Variants in PKD2L2 observed in about 807,000 individuals in gnomAD.
PKD2L2 encodes the protein polycystin-2-like protein 2.
PKD2L2 carries 67 observed loss-of-function variants against 83.9 expected under a neutral mutation model. The observed-to-expected ratio is 0.80, with a 90% CI of 0.66 to 0.98. PKD2L2 has a LOEUF of 0.98. Among genes scored for constraint, PKD2L2 ranks in the 50% least tolerant of loss-of-function variants. The pLI, the probability that PKD2L2 is intolerant of heterozygous loss-of-function variation, is 0.00. For synonymous variants in PKD2L2, 223 were observed against 237.8 expected, an observed-to-expected ratio of 0.94 and a Z score of 0.57; for missense variants, 632 against 717.2, an observed-to-expected ratio of 0.88 and a Z score of 1.36.
chr5:137,936,519 GGTCTCGGCTCA>G, intron 14 of PKD2L2, 92 bp downstream of exon 14: 1 of 1,023,534 alleles, frequency 9.8e-7, no homozygotes, highest in Admixed American at 2.5e-5. Flanking sequence ...GCAGTGGCGT[GGTCTCGGCTCA>G]CTGCAAACTC....
chr5:137,899,929 A>G (rs1756810309), intron 5 of PKD2L2, among the ~76,000 whole-genome samples, 192 bp downstream of exon 5: 1 of 152,202 alleles, frequency 6.6e-6, no homozygotes. Context: ...CAGACAAACC[A>G]TGTAACCTAG....
intron 7 of PKD2L2, among the ~76,000 whole-genome samples, 163 bp from the exon 8 acceptor site, chr5:137,908,602 A>C (rs942755603): frequency 3.3e-5 from 5 of 152,040 alleles, no homozygotes; most frequent in Non-Finnish European, 7.4e-5. Context: ...AAAAAAAAAA[A>C]CAGAAGTTTG....
At chr5:137,922,988 T>C (rs1195278220) in intron 9 of PKD2L2, among the ~76,000 whole-genome samples, 4 of 151,882 alleles carry the variant, frequency 2.6e-5, no homozygotes, top group African/African-American at 4.8e-5. Flanking sequence ...AAAATTTGAT[T>C]TTTTTTGTTG....
chr5:137,919,338 G>C (rs1194001751), intron 8 of PKD2L2, among the ~76,000 whole-genome samples: 1 of 152,134 alleles, frequency 6.6e-6, no homozygotes, highest in African/African-American at 2.4e-5. Context: ...ACTGTATTTG[G>C]AGCCTCCAGT....
intron 8 of PKD2L2, among the ~76,000 whole-genome samples, chr5:137,914,941 T>C (rs1411054166): frequency 2.0e-5 from 3 of 152,244 alleles, no homozygotes; most frequent in Admixed American, 6.5e-5. Context: ...TTTGTGTATG[T>C]TGAACCATCC....
At position 137,890,333 on chromosome 5, in the gene PKD2L2, C is replaced by T. The variant is rs140645968; in HGVS notation, c.32-148C>T. On this transcript the variant is annotated intron_variant, in intron 1 of 14. Transcript: ENST00000508883. ...TATAGTAAAAAAATTATCCCTGCCT[C>T]GTAAAACTAAGAATTGAAAAATAGC... is the stretch of plus-strand genomic sequence containing the variant. The T allele has an allele frequency of 5.3e-3, 3,006 of 571,412 alleles. 15 individuals are homozygous for T. The highest frequency in any genetic ancestry group is 8.8e-3 in the Middle Eastern group (19 of 2,168). 35.4% of individuals were successfully genotyped at this position (571,412 alleles called of 1,614,324 possible).
intron 11 of PKD2L2, 88 bp downstream of exon 11, chr5:137,925,192 T>G: frequency 1.2e-6 from 1 of 824,856 alleles, no homozygotes; most frequent in Non-Finnish European, 2.0e-6. Context: ...TGTTTTTTGT[T>G]TGTTTGTTTG....
At chr5:137,907,535 T>A (rs2150021013) in intron 6 of PKD2L2, among the ~76,000 whole-genome samples, 1 of 152,306 alleles carries the variant, frequency 6.6e-6, no homozygotes, top group South Asian at 2.1e-4. Flanking sequence ...GCCAAGCAAT[T>A]AATATTTTTC....
At chr5:137,933,631 G>A (rs1187874144) in intron 12 of PKD2L2, among the ~76,000 whole-genome samples, 1 of 152,136 alleles carries the variant, frequency 6.6e-6, no homozygotes, top group Non-Finnish European at 1.5e-5. Flanking sequence ...CAAGAGCTCA[G>A]CCAGCTGCAT....
intron 1 of PKD2L2, chr5:137,890,059 C>T (rs1580875075): frequency 6.3e-6 from 1 of 159,858 alleles, no homozygotes; most frequent in Non-Finnish European, 1.4e-5. Flanking sequence ...CCGAGGCGGG[C>T]GGATCACAAG....
At chr5:137,918,844 CT>C (rs796480261) in intron 8 of PKD2L2, among the ~76,000 whole-genome samples, 1,753 of 144,598 alleles carry the variant, frequency 0.012, 30 homozygotes, top group African/African-American at 0.042. Flanking sequence ...TTCCAAGAAT[CT>C]TTTTTTTTTT....
chr5:137,902,609 G>T (rs886957750), intron 5 of PKD2L2, among the ~76,000 whole-genome samples: 11 of 152,064 alleles, frequency 7.2e-5, no homozygotes, highest in African/African-American at 2.7e-4. Context: ...AAATCAATTA[G>T]CATGGTCCAT....
At chr5:137,891,873 C>T (rs1276374540) in intron 2 of PKD2L2, among the ~76,000 whole-genome samples, 1 of 151,992 alleles carries the variant, frequency 6.6e-6, no homozygotes, top group Non-Finnish European at 1.5e-5. Flanking sequence ...TTAGTAGAGA[C>T]AGGGTTTTCA....
intron 14 of PKD2L2, among the ~76,000 whole-genome samples, chr5:137,937,417 G>C (rs1010450649): frequency 3.9e-5 from 6 of 152,190 alleles, no homozygotes; most frequent in South Asian, 4.1e-4. Flanking sequence ...TGAGGATGCT[G>C]TAACAGCCTT....
At chr5:137,906,541 A>G in intron 6 of PKD2L2, 107 bp downstream of exon 6, 1 of 587,608 alleles carries the variant, frequency 1.7e-6, no homozygotes, top group South Asian at 2.4e-5. Context: ...TTATTTTGAA[A>G]GCTACAAGTA....
intron 8 of PKD2L2, among the ~76,000 whole-genome samples, chr5:137,912,277 G>A (rs986340777): frequency 6.6e-6 from 1 of 152,144 alleles, no homozygotes; most frequent in African/African-American, 2.4e-5. Flanking sequence ...CACCAACAGT[G>A]TATGAAGTTT....
At position 137,908,783 on chromosome 5, in the gene PKD2L2, T is replaced by G; in HGVS notation, c.1165T>G (p.Phe389Val). 1 of 1,557,892 alleles carries G rather than the reference T, an allele frequency of 6.4e-7. No homozygotes were observed. The highest frequency in any genetic ancestry group is 8.7e-7 in the Non-Finnish European group (1 of 1,145,236). ...TTTTCAGATATTCAAATTCATAAGC[T>G]TTAACAAGACAATGTCTCAGCTGTC... ...AWIKIFKFIS[F>V]NKTMSQLSST... The change falls in exon 8 of 15, where the codon TTT becomes GTT. Residue 389 changes from phenylalanine (F) to valine (V), a missense_variant. By Grantham distance (50) the Phe-to-Val change is conservative. Around this residue, in one of 3 missense-constraint regions of PKD2L2, gnomAD observed 399 missense variants for 416.9 expected, o/e 0.96. Coordinates refer to ENST00000508883, the MANE Select transcript of PKD2L2 (RefSeq NM_001300921.2).
chr5:137,928,491 C>T (rs576633829), intron 12 of PKD2L2, among the ~76,000 whole-genome samples: 1 of 152,216 alleles, frequency 6.6e-6, no homozygotes, highest in East Asian at 1.9e-4. Context: ...AGTGCAGTGG[C>T]ATGATCACAG....
chr5:137,890,719 ATAATCT>A (rs2149995377), intron 2 of PKD2L2, 137 bp downstream of exon 2: 2 of 497,814 alleles, frequency 4.0e-6, no homozygotes, highest in Non-Finnish European at 7.1e-6. Context: ...ACGTTTAAAC[ATAATCT>A]TAAATTCATT....
Sources: allele counts gnomAD v4.1 joint callset (sites outside exome capture counted in the v4.1 genomes callset), GRCh38; gene constraint gnomAD v4.1.1; regional missense constraint gnomAD v4.1.1; transcripts MANE v1.5; gene names NCBI Gene and HGNC (gene_info 2026-07-23, HGNC 2026-07-21).